The following XRN1 variants were observed in gnomAD, a reference collection of about 807,000 sequenced individuals.
XRN1 encodes strand-exchange protein 1 homolog.
In XRN1, 67 loss-of-function variants were observed where a neutral mutation model predicts 222.3. The observed-to-expected ratio is 0.30, with a 90% CI of 0.25 to 0.37. The LOEUF (loss-of-function observed/expected upper bound fraction) is 0.37, where lower values mean the gene tolerates loss of function less well. Among genes scored for constraint, XRN1 ranks in the 10% least tolerant of loss-of-function variants. The pLI, the probability that XRN1 is intolerant of heterozygous loss-of-function variation, is 1.00. For synonymous variants in XRN1, 643 were observed against 652.4 expected (o/e 0.99, Z 0.22); for missense variants, 1,707 against 2,000.2 (o/e 0.85, Z 2.80).
intron 3 of XRN1, among the ~76,000 whole-genome samples, chr3:142,426,063 A>G (rs989110941): frequency 5.3e-5 from 8 of 152,164 alleles, no homozygotes; most frequent in Non-Finnish European, 1.5e-5. Flanking sequence ...AATACAGTCT[A>G]AAACCACAAT....
rs768885794 is a variant in XRN1, at chr3:142,376,016, C to T, written c.2832-72G>A. 22 of 1,442,594 alleles carry T rather than the reference C, an allele frequency of 1.5e-5. No individual in the cohort carries two copies. In the African/African-American group the frequency reaches 1.8e-4, roughly 12 times the overall value. 89.4% of individuals were successfully genotyped at this position (1,442,594 alleles called of 1,614,324 possible). ...CACACACACACGAGTTTTAAAATGTCGTTCAAGGAACAAAAAGTTTTGCTT... is the reference window on the plus strand; with the variant it reads ...CACACACACACGAGTTTTAAAATGTTGTTCAAGGAACAAAAAGTTTTGCTT... On this transcript the variant is annotated intron_variant, in intron 24 of 40. Transcript: ENST00000392981.
intron 2 of XRN1, 64 bp downstream of exon 2, chr3:142,432,597 T>C (rs376412458): frequency 7.4e-6 from 10 of 1,346,834 alleles, no homozygotes; most frequent in East Asian, 5.1e-5. Flanking sequence ...AAATCAATTA[T>C]CTTTAAAATA....
At chr3:142,342,352 A>T (rs2066019654) in intron 33 of XRN1, among the ~76,000 whole-genome samples, 1 of 152,208 alleles carries the variant, frequency 6.6e-6, no homozygotes, top group Admixed American at 6.5e-5. Context: ...CAATATTGTT[A>T]AAATGTCCTA....
At chr3:142,443,671 CA>C (rs964837203) in intron 1 of XRN1, among the ~76,000 whole-genome samples, 5 of 152,170 alleles carry the variant, frequency 3.3e-5, no homozygotes, top group African/African-American at 1.2e-4. Flanking sequence ...AACAAACAAA[CA>C]AAAACAAACT....
At chr3:142,364,616 G>A (rs961009321) in intron 29 of XRN1, among the ~76,000 whole-genome samples, 5 of 151,886 alleles carry the variant, frequency 3.3e-5, no homozygotes, top group African/African-American at 1.2e-4. Flanking sequence ...TGTAACTAAC[G>A]TAATATATAT....
chr3:142,398,171 G>C (rs1365739197), intron 19 of XRN1, among the ~76,000 whole-genome samples: 1 of 152,080 alleles, frequency 6.6e-6, no homozygotes, highest in Non-Finnish European at 1.5e-5. Context: ...CTTGAGCCCA[G>C]GAGTTTGAGG....
chr3:142,416,726 T>G (rs1026318025), intron 13 of XRN1, among the ~76,000 whole-genome samples: 1 of 152,106 alleles, frequency 6.6e-6, no homozygotes, highest in African/African-American at 2.4e-5. Context: ...TGTATGGAAC[T>G]TTTAAAAAAT....
intron 1 of XRN1, among the ~76,000 whole-genome samples, chr3:142,437,994 A>C (rs188793738): frequency 6.6e-5 from 10 of 152,330 alleles, no homozygotes; most frequent in Admixed American, 3.9e-4. Context: ...CTACAATGAG[A>C]TATCATCTTA....
In XRN1 at chr3:142,431,895, A is replaced by ATAATG. The variant is rs1559879613; in HGVS notation, c.308+765_308+766insCATTA. 9.3e-5 allele frequency among the ~76,000 whole-genome samples: 3 copies of ATAATG among 32,420 alleles called. 1 individual carries two copies. Among genetic ancestry groups the ATAATG allele is most frequent in the Admixed American group, 4.5e-4 (1 of 2,242 alleles). The allele number at this position is 32,420 out of a possible 152,430, so 21.3% of individuals were successfully genotyped here. ...TTATATTATATATATTATATATAAT[A>ATAATG]TATATATTATATATATAAATATATA... On this transcript the variant is annotated intron_variant, in intron 2 of 40. Coordinates refer to ENST00000392981, the MANE Select transcript of XRN1 (RefSeq NM_001282857.2).
intron 37 of XRN1, among the ~76,000 whole-genome samples, chr3:142,321,603 CAG>C (rs1164885621): frequency 6.6e-6 from 1 of 152,178 alleles, no homozygotes; most frequent in Non-Finnish European, 1.5e-5. Flanking sequence ...AATCCACGAA[CAG>C]AGTGTGTTTC....
chr3:142,416,033 C>T (rs910175995), intron 13 of XRN1, among the ~76,000 whole-genome samples: 1 of 151,706 alleles, frequency 6.6e-6, no homozygotes, highest in African/African-American at 2.4e-5. Flanking sequence ...AGCAGTGAGC[C>T]AAGACTGCAC....
At chr3:142,446,523 A>G (rs565664125) in intron 1 of XRN1, among the ~76,000 whole-genome samples, 1 of 152,316 alleles carries the variant, frequency 6.6e-6, no homozygotes, top group East Asian at 1.9e-4. Context: ...AGATATTTTC[A>G]CCAAACCAAA....
chr3:142,343,254 G>A (rs1034342509), intron 33 of XRN1, among the ~76,000 whole-genome samples: 2 of 151,982 alleles, frequency 1.3e-5, no homozygotes, highest in Non-Finnish European at 2.9e-5. Context: ...AGGAGTTTGA[G>A]ACCAGCCTGG....
At chr3:142,322,770 C>T (rs919709695) in intron 37 of XRN1, among the ~76,000 whole-genome samples, 5 of 151,632 alleles carry the variant, frequency 3.3e-5, no homozygotes, top group African/African-American at 7.3e-5. Context: ...TTTGGGAGGC[C>T]GAGGCAGGTG....
chr3:142,384,416 T>C (rs1309258187), intron 21 of XRN1, 107 bp downstream of exon 21: 1 of 818,384 alleles, frequency 1.2e-6, no homozygotes, highest in Non-Finnish European at 1.8e-6. Context: ...ATCTCTATTA[T>C]ACATTGCTGA....
intron 37 of XRN1, among the ~76,000 whole-genome samples, chr3:142,321,746 T>C (rs375873423): frequency 3.3e-4 from 51 of 152,352 alleles, no homozygotes; most frequent in African/African-American, 1.2e-3. Context: ...GATACTATCA[T>C]AGTTTTCTTA....
At position 142,318,868 on chromosome 3, in the gene XRN1, G is replaced by A; in HGVS notation, c.4440C>T (p.Gly1480=). ...GGCACTGTGGCCCATGTACCAGTAA[G>A]CCATTAGATAATTTTACTTGGCAAA... is the stretch of plus-strand genomic sequence containing the variant. ...MTVCQVKLSN[G]LLVHGPQCHS... is the part of the protein sequence containing the mutation. The change falls in exon 38 of 41, where the codon GGC becomes GGT. Residue 1480 remains glycine, a synonymous_variant. Coordinates refer to ENST00000392981, the MANE Select transcript of XRN1 (RefSeq NM_001282857.2). 1 of 1,613,808 alleles carries A rather than the reference G, an allele frequency of 6.2e-7. No individual in the cohort carries two copies. The highest frequency in any genetic ancestry group is 1.1e-5 in the South Asian group (1 of 91,070).
intron 33 of XRN1, among the ~76,000 whole-genome samples, chr3:142,337,048 AT>A (rs1459910659): frequency 6.6e-6 from 1 of 152,148 alleles, no homozygotes; most frequent in African/African-American, 2.4e-5. Context: ...TGTTTAAAAG[AT>A]TTTAATACCT....
Position 142,422,848 on chromosome 3 carries a change from A to G in XRN1, c.785T>C (p.Phe262Ser). Residue 262 changes from phenylalanine (F) to serine (S), a missense_variant, in exon 7 of 41, where the codon TTT (phenylalanine) becomes TCT (serine). By Grantham distance (155) the Phe-to-Ser change is radical (BLOSUM62 -2). This residue lies in a region of XRN1 where 1,234 missense variants were observed against 1,518.2 expected (regional missense o/e 0.81). Transcript: ENST00000392981. ...SLMREYIDYE[F>S]SVLKEKITFK... ...ATTAATACTTACTTTTAATACTGAA[A>G]ACTCATAGTCAATATACTCTCTCAT... is the stretch of plus-strand genomic sequence containing the variant. 1 of 1,609,920 alleles carries G rather than the reference A, an allele frequency of 6.2e-7. No homozygotes were observed. Among genetic ancestry groups the G allele is most frequent in the Non-Finnish European group, 8.5e-7 (1 of 1,177,624 alleles).
Sources: gnomAD v4.1 joint callset for allele counts (sites outside exome capture counted in the v4.1 genomes callset) on GRCh38, gnomAD v4.1.1 for gene constraint, gnomAD v4.1.1 regional missense constraint, MANE v1.5 for transcripts, NCBI Gene and HGNC (gene_info 2026-07-23, HGNC 2026-07-21) for gene names.